The following SEMA3A variants were observed in gnomAD, a reference collection of about 807,000 sequenced individuals.
SEMA3A encodes semaphorin 3A.
SEMA3A carries 29 observed loss-of-function variants against 97.9 expected under a neutral mutation model. The observed-to-expected ratio is 0.30, with a 90% CI of 0.22 to 0.40. SEMA3A has a LOEUF of 0.40. Among genes scored for constraint, SEMA3A ranks in the 10% least tolerant of loss-of-function variants. The probability of loss-of-function intolerance (pLI) is 1.00; values close to 1 mark genes in which losing one functional copy is unlikely to be tolerated. For synonymous variants in SEMA3A, 321 were observed against 323.7 expected, an observed-to-expected ratio of 0.99 and a Z score of 0.09; for missense variants, 763 against 951.3, an observed-to-expected ratio of 0.80 and a Z score of 2.60.
chr7:84,187,197 A>G (rs1030144835), intron 1 of SEMA3A, among the ~76,000 whole-genome samples: 15 of 152,222 alleles, frequency 9.9e-5, no homozygotes, highest in Non-Finnish European at 2.1e-4. Flanking sequence ...AAAAGAACCA[A>G]TTGAAATTAC....
chr7:84,096,723 C>G (rs1348605957), intron 4 of SEMA3A, among the ~76,000 whole-genome samples: 3 of 152,000 alleles, frequency 2.0e-5, no homozygotes, highest in African/African-American at 7.2e-5. Context: ...TTTTAATTCA[C>G]AGACAGGAAA....
At chr7:84,037,001 T>C (rs1279677946) in intron 6 of SEMA3A, among the ~76,000 whole-genome samples, 1 of 152,154 alleles carries the variant, frequency 6.6e-6, no homozygotes, top group African/African-American at 2.4e-5. Flanking sequence ...ATTGATTTTA[T>C]TAAGATGATA....
intron 3 of SEMA3A, among the ~76,000 whole-genome samples, chr7:84,241,713 C>G (rs1376677888): frequency 1.3e-5 from 2 of 152,094 alleles, no homozygotes; most frequent in Non-Finnish European, 2.9e-5. Context: ...ATGCCAATGC[C>G]CTGAATGGTA....
chr7:84,415,300 A>T (rs1296653232), intron 1 of SEMA3A, among the ~76,000 whole-genome samples: 1 of 152,140 alleles, frequency 6.6e-6, no homozygotes, highest in Non-Finnish European at 1.5e-5. Flanking sequence ...AAAATTTACC[A>T]AAATTGTAAG....
At position 84,440,789 on chromosome 7, in the gene SEMA3A, T is replaced by C. The variant is rs1326227587; in HGVS notation, c.-246+51671A>G. Among the ~76,000 whole-genome samples the C allele has an allele frequency of 3.3e-5, 5 of 152,190 alleles. No individual in the cohort carries two copies. The East Asian group carries it at 5.8e-4, about 18-fold the overall frequency. ...AGGCAGGGAATCTCTTTTCTAGTTA[T>C]GTTATTAGATTCAAATGTCCAGTTT... is the stretch of plus-strand genomic sequence containing the variant. On this transcript the variant is annotated intron_variant, in intron 1 of 3. Coordinates refer to the SEMA3A transcript ENST00000424555.
chr7:84,231,236 G>C (rs2116356811), intron 3 of SEMA3A, among the ~76,000 whole-genome samples: 1 of 152,094 alleles, frequency 6.6e-6, no homozygotes, highest in African/African-American at 2.4e-5. Context: ...ACTGTAGAGT[G>C]TGTGCCTGTT....
At chr7:84,400,517 T>C (rs1803873303) in intron 1 of SEMA3A, among the ~76,000 whole-genome samples, 2 of 152,240 alleles carry the variant, frequency 1.3e-5, no homozygotes, top group South Asian at 4.1e-4. Context: ...TTAGAGTGTC[T>C]CAACAGCAGA....
chr7:84,173,004 T>C (rs967135701), intron 1 of SEMA3A, among the ~76,000 whole-genome samples: 4 of 152,194 alleles, frequency 2.6e-5, no homozygotes, highest in Non-Finnish European at 1.5e-5. Flanking sequence ...AATTCTACAT[T>C]ATCTTGTGTT....
intron 1 of SEMA3A, among the ~76,000 whole-genome samples, chr7:84,475,725 T>C (rs535652659): frequency 3.3e-5 from 5 of 152,314 alleles, no homozygotes; most frequent in African/African-American, 1.2e-4. Flanking sequence ...AGTACAGGAA[T>C]ATGGGTTTAC....
intron 6 of SEMA3A, among the ~76,000 whole-genome samples, chr7:84,025,423 A>G (rs900972917): frequency 2.0e-5 from 3 of 152,198 alleles, no homozygotes; most frequent in Non-Finnish European, 2.9e-5. Context: ...AAAGCCCCAA[A>G]GAATCAATAG....
intron 2 of SEMA3A, among the ~76,000 whole-genome samples, chr7:84,336,076 ATCT>A (rs1802031949): frequency 6.6e-6 from 1 of 152,146 alleles, no homozygotes; most frequent in Non-Finnish European, 1.5e-5. Flanking sequence ...TAACAGCATG[ATCT>A]TCTTTAAAAA....
intron 4 of SEMA3A, among the ~76,000 whole-genome samples, chr7:84,104,451 G>T (rs1795048069): frequency 6.6e-6 from 1 of 152,030 alleles, no homozygotes. Flanking sequence ...AGTATTATCA[G>T]TAAAAAACTG....
chr7:84,403,913 C>T (rs192517795), intron 1 of SEMA3A, among the ~76,000 whole-genome samples: 6,024 of 152,144 alleles, frequency 0.04, 342 homozygotes, highest in East Asian at 0.19. Context: ...TCATCAAAGA[C>T]CAAAGGTAGA....
chr7:84,197,301 G>A (rs1322791812), upstream of SEMA3A, among the ~76,000 whole-genome samples: 2 of 152,038 alleles, frequency 1.3e-5, no homozygotes, highest in Non-Finnish European at 2.9e-5. Context: ...TCATAGGTTT[G>A]CATTTATATT....
rs201032854 is a variant in SEMA3A at position 84,406,420 on chromosome 7, CA to C, written c.-245-34521del. Among the ~76,000 whole-genome samples the C allele has an allele frequency of 0.014, 2,058 of 151,954 alleles. 73 individuals carry two copies. The East Asian group carries it at 0.15, about 11-fold the overall frequency. On this transcript the variant is annotated intron_variant, in intron 1 of 3. Coordinates refer to the SEMA3A transcript ENST00000424555. The stretch of plus-strand genomic sequence containing the variant: ...AGGCAATAATTAATAGTTTACCAAC[CA>C]AAAAAAGTCCAGGACAAGATGGATT...
intron 3 of SEMA3A, among the ~76,000 whole-genome samples, chr7:84,225,228 A>G (rs1027914747): frequency 6.6e-6 from 1 of 152,126 alleles, no homozygotes; most frequent in Admixed American, 6.6e-5. Flanking sequence ...ACCATGATAA[A>G]GAGATCTAAG....
chr7:84,028,323 A>C (rs1056547111), intron 6 of SEMA3A, among the ~76,000 whole-genome samples: 2 of 152,216 alleles, frequency 1.3e-5, no homozygotes, highest in African/African-American at 4.8e-5. Flanking sequence ...ACTTAGGTGA[A>C]TATGAGGACT....
At chr7:84,379,278 C>T (rs1317767617) in intron 1 of SEMA3A, among the ~76,000 whole-genome samples, 1 of 151,960 alleles carries the variant, frequency 6.6e-6, no homozygotes, top group Non-Finnish European at 1.5e-5. Context: ...CGGAGGAAGC[C>T]TTAAGTTTTT....
At chr7:84,403,003 A>T (rs1019245187) in intron 1 of SEMA3A, among the ~76,000 whole-genome samples, 5 of 152,080 alleles carry the variant, frequency 3.3e-5, no homozygotes, top group Non-Finnish European at 5.9e-5. Context: ...TGCATTTCCA[A>T]CTGAGGTAAT....
Sources: allele counts gnomAD v4.1 joint callset (sites outside exome capture counted in the v4.1 genomes callset), GRCh38; gene constraint gnomAD v4.1.1; transcripts MANE v1.5; gene names NCBI Gene and HGNC (gene_info 2026-07-23, HGNC 2026-07-21).